Variants in DLGAP2 observed in about 807,000 individuals in gnomAD.
DLGAP2 encodes the protein DLG associated protein 2, also known as disks large-associated protein 2.
DLGAP2 carries 26 observed loss-of-function variants against 100.3 expected under a neutral mutation model. That is an observed-to-expected ratio of 0.26 (90% CI 0.19 to 0.36). The LOEUF (loss-of-function observed/expected upper bound fraction) is 0.36. Among genes scored for constraint, DLGAP2 ranks in the 10% least tolerant of loss-of-function variants. The pLI is 1.00. For missense variants in DLGAP2, 1,858 were observed against 1,453.2 expected (o/e 1.28, Z -4.53); for synonymous variants, 886 against 630.1 (o/e 1.41, Z -6.08).
At chr8:1,141,116 G>T (rs1487156562) in intron 2 of DLGAP2, among the ~76,000 whole-genome samples, 1 of 152,164 alleles carries the variant, frequency 6.6e-6, no homozygotes, top group Non-Finnish European at 1.5e-5. Flanking sequence ...TGATGGGGAG[G>T]CCGTGCTGCC....
chr8:1,294,332 G>C (rs944674010), intron 3 of DLGAP2, among the ~76,000 whole-genome samples: 1 of 152,176 alleles, frequency 6.6e-6, no homozygotes, highest in African/African-American at 2.4e-5. Context: ...TTAGAACCTC[G>C]GAGAAGCCAG....
intron 5 of DLGAP2, among the ~76,000 whole-genome samples, chr8:1,553,436 A>G (rs1261071312): frequency 7.2e-5 from 11 of 152,038 alleles, no homozygotes; most frequent in Non-Finnish European, 1.6e-4. Context: ...CACGGGCAGC[A>G]GCCCTGTTTT....
intron 3 of DLGAP2, among the ~76,000 whole-genome samples, chr8:1,304,070 A>T (rs1283330935): frequency 1.3e-5 from 2 of 152,228 alleles, no homozygotes; most frequent in African/African-American, 4.8e-5. Context: ...CAGCAGCAGA[A>T]TTGGGGGAGA....
chr8:952,995 A>G (rs1377829601), intron 2 of DLGAP2, among the ~76,000 whole-genome samples: 1 of 152,206 alleles, frequency 6.6e-6, no homozygotes, highest in Non-Finnish European at 1.5e-5. Context: ...AGATTATAGC[A>G]TCATGCACTG....
chr8:1,281,399 C>T (rs986603659), intron 3 of DLGAP2, among the ~76,000 whole-genome samples: 9 of 152,176 alleles, frequency 5.9e-5, no homozygotes, highest in Non-Finnish European at 1.0e-4. Flanking sequence ...GTCCCTTAGG[C>T]GCCCCCAGTG....
At chr8:1,051,539 C>A (rs1292408875) in intron 2 of DLGAP2, among the ~76,000 whole-genome samples, 1 of 152,134 alleles carries the variant, frequency 6.6e-6, no homozygotes, top group Non-Finnish European at 1.5e-5. Flanking sequence ...AGTATTTTGT[C>A]AAAAAGACAC....
intron 2 of DLGAP2, among the ~76,000 whole-genome samples, chr8:1,039,726 TGGTTTCTGTGGTCAGCTC>T (rs1802259696): frequency 1.2e-5 from 1 of 83,294 alleles, no homozygotes; most frequent in Non-Finnish European, 2.4e-5. Flanking sequence ...GTGGTCAGCT[TGGTTTCTGTGGTCAGCTC>T]GGTTTCTGTA....
At chr8:1,355,652 C>G (rs548238887) in intron 3 of DLGAP2, among the ~76,000 whole-genome samples, 1 of 152,030 alleles carries the variant, frequency 6.6e-6, no homozygotes, top group South Asian at 2.1e-4. Flanking sequence ...CATGAGCCAC[C>G]GCACCTGGCC....
rs910099150 is a variant in DLGAP2 at position 1,242,266 on chromosome 8, A to G, written c.74-16585A>G. On this transcript the variant is annotated intron_variant, in intron 2 of 14. Transcript: ENST00000637795. ...TGTGGAAGAGGGGAGGTCGGGGGAA[A>G]GGGGTTGGTTGTCAGACATATGAGA... is the stretch of plus-strand genomic sequence containing the variant. Among the ~76,000 whole-genome samples, 3 of 152,086 alleles carry G rather than the reference A, an allele frequency of 2.0e-5. No homozygotes were observed. In the East Asian group the frequency reaches 5.8e-4, roughly 29 times the overall value.
chr8:1,629,525 A>C (rs1481423927), intron 7 of DLGAP2, among the ~76,000 whole-genome samples: 1 of 152,226 alleles, frequency 6.6e-6, no homozygotes, highest in Admixed American at 6.5e-5. Context: ...CATAAAGTCC[A>C]AGATGATATG....
chr8:1,007,662 T>C (rs1262160224), intron 2 of DLGAP2, among the ~76,000 whole-genome samples: 2 of 150,548 alleles, frequency 1.3e-5, no homozygotes, highest in Non-Finnish European at 2.9e-5. Context: ...GTGAGTCAAC[T>C]GGCTCTGTCG....
chr8:1,550,124 A>G (rs886745), intron 5 of DLGAP2, among the ~76,000 whole-genome samples: 135,797 of 152,216 alleles, frequency 0.89, 60,770 homozygotes, highest in South Asian at 0.98. Flanking sequence ...TGTGGCCTCT[A>G]TCTGTGTGCG....
intron 3 of DLGAP2, among the ~76,000 whole-genome samples, chr8:1,318,171 C>T (rs73670748): frequency 1.3e-4 from 20 of 151,648 alleles, no homozygotes; most frequent in Non-Finnish European, 2.6e-4. Flanking sequence ...GTGAGTGCAG[C>T]GTCTCTCCAA....
chr8:1,438,453 A>C (rs892366700), intron 3 of DLGAP2, among the ~76,000 whole-genome samples: 1 of 152,160 alleles, frequency 6.6e-6, no homozygotes, highest in Non-Finnish European at 1.5e-5. Flanking sequence ...TTAACTTAAC[A>C]GTAACAAGGC....
At chr8:836,800 C>T (rs1021706914) in intron 1 of DLGAP2, among the ~76,000 whole-genome samples, 3 of 152,170 alleles carry the variant, frequency 2.0e-5, no homozygotes, top group South Asian at 4.1e-4. Context: ...TGGCATCTAA[C>T]GGAGATCTTT....
intron 2 of DLGAP2, among the ~76,000 whole-genome samples, chr8:1,204,315 G>C (rs1563251777): frequency 6.6e-6 from 1 of 152,194 alleles, no homozygotes; most frequent in Non-Finnish European, 1.5e-5. Flanking sequence ...AAGTTCTCAC[G>C]AGAGAACAAT....
chr8:1,413,414 TA>T (rs1381600651), intron 3 of DLGAP2, among the ~76,000 whole-genome samples: 1 of 152,260 alleles, frequency 6.6e-6, no homozygotes, highest in South Asian at 2.1e-4. Flanking sequence ...TCAAGAAGCA[TA>T]AAAAAGACTT....
rs146765384 is a variant in DLGAP2 at position 1,552,085 on chromosome 8, G to A, written c.1230+2402G>A. ...GCCATGGGGTCATTCCAGACACTCT[G>A]GTCCTGTTGTTCTGCAGCCAGCCAC... On this transcript the variant is annotated intron_variant, in intron 5 of 14. Coordinates refer to ENST00000637795, the MANE Select transcript of DLGAP2 (RefSeq NM_001346810.2). 4.5e-3 allele frequency among the ~76,000 whole-genome samples: 686 copies of A among 152,204 alleles called. 3 individuals are homozygous for A. Among genetic ancestry groups the A allele is most frequent in the Middle Eastern group, 0.01 (3 of 294 alleles).
chr8:768,645 T>G (rs1821277206), intron 1 of DLGAP2, among the ~76,000 whole-genome samples: 1 of 151,776 alleles, frequency 6.6e-6, no homozygotes, highest in Admixed American at 6.6e-5. Flanking sequence ...AGGATGGTCT[T>G]GACCTCCTGA....
Sources: gnomAD v4.1 joint callset for allele counts (sites outside exome capture counted in the v4.1 genomes callset) on GRCh38, gnomAD v4.1.1 for gene constraint, MANE v1.5 for transcripts, NCBI Gene and HGNC (gene_info 2026-07-23, HGNC 2026-07-21) for gene names.